Variants in SEL1L2 observed in about 807,000 individuals in gnomAD.
SEL1L2 encodes protein sel-1 homolog 2.
A neutral mutation model predicts 98.8 loss-of-function variants in SEL1L2; 89 were observed. The ratio of observed to expected loss-of-function variants is 0.90; its 90% confidence interval spans 0.76 to 1.07. The LOEUF (loss-of-function observed/expected upper bound fraction) is 1.07, where lower values mean the gene tolerates loss of function less well. Ranked by LOEUF, SEL1L2 falls within the 50% of genes least tolerant of loss-of-function variation. SEL1L2 has a pLI of 0.00. For synonymous variants in SEL1L2, 262 were observed against 278.5 expected, an observed-to-expected ratio of 0.94 and a Z score of 0.59; for missense variants, 788 against 812.0, an observed-to-expected ratio of 0.97 and a Z score of 0.36.
intron 2 of SEL1L2, among the ~76,000 whole-genome samples, chr20:13,933,280 A>G (rs2049239511): frequency 6.6e-6 from 1 of 152,198 alleles, no homozygotes; most frequent in African/African-American, 2.4e-5. Flanking sequence ...TAAATTATAT[A>G]TTAACCCATT....
intron 12 of SEL1L2, among the ~76,000 whole-genome samples, chr20:13,872,171 C>T (rs2046234492): frequency 6.6e-6 from 1 of 152,202 alleles, no homozygotes; most frequent in Non-Finnish European, 1.5e-5. Flanking sequence ...TCTTGAGTTG[C>T]TCTGCTCTGG....
At chr20:13,953,095 T>C (rs866568424) in intron 2 of SEL1L2, among the ~76,000 whole-genome samples, 1 of 152,138 alleles carries the variant, frequency 6.6e-6, no homozygotes, top group South Asian at 2.1e-4. Context: ...CTTAGACTGG[T>C]TGGCTTAGGA....
intron 5 of SEL1L2, among the ~76,000 whole-genome samples, chr20:13,890,912 T>G (rs147615797): frequency 0.016 from 2,442 of 152,202 alleles, 31 homozygotes; most frequent in Non-Finnish European, 0.024. Context: ...TTGATGAAAC[T>G]GAAGAATCAG....
intron 2 of SEL1L2, among the ~76,000 whole-genome samples, chr20:13,944,832 A>G (rs1207690774): frequency 6.6e-6 from 1 of 152,228 alleles, no homozygotes; most frequent in Non-Finnish European, 1.5e-5. Context: ...AAAACCCAGG[A>G]AGGTCATCAG....
chr20:13,857,370 C>T (rs188200900), intron 18 of SEL1L2, among the ~76,000 whole-genome samples: 87 of 152,268 alleles, frequency 5.7e-4, no homozygotes, highest in South Asian at 2.1e-4. Context: ...ATGTATGAAA[C>T]GTGTGTCTCA....
At chr20:13,908,363 A>C (rs1012445958) in intron 5 of SEL1L2, among the ~76,000 whole-genome samples, 4 of 151,922 alleles carry the variant, frequency 2.6e-5, no homozygotes, top group African/African-American at 9.6e-5. Context: ...GGCTCAAGCA[A>C]TCCTCCTGCT....
intron 1 of SEL1L2, among the ~76,000 whole-genome samples, chr20:13,965,407 TAGA>T (rs576256639): frequency 1.1e-4 from 16 of 152,088 alleles, no homozygotes; most frequent in Non-Finnish European, 1.9e-4. Flanking sequence ...TGGTGATACA[TAGA>T]AGAAGAGAGA....
intron 5 of SEL1L2, among the ~76,000 whole-genome samples, chr20:13,894,992 CAA>C (rs1205365215): frequency 6.6e-6 from 1 of 152,162 alleles, no homozygotes; most frequent in Admixed American, 6.5e-5. Context: ...CAAAACTAGA[CAA>C]AGACACTACA....
chr20:13,885,302 A>C (rs2147977346), intron 10 of SEL1L2, 45 bp downstream of exon 10: 1 of 1,301,910 alleles, frequency 7.7e-7, no homozygotes, highest in Non-Finnish European at 1.1e-6. Context: ...CTCCCTCACC[A>C]CTACCTTCCC....
chr20:13,862,605 C>T (rs913973498), intron 17 of SEL1L2, among the ~76,000 whole-genome samples: 1 of 152,102 alleles, frequency 6.6e-6, no homozygotes, highest in Non-Finnish European at 1.5e-5. Flanking sequence ...AATGTAGACA[C>T]TTCAAAAAGA....
At chr20:13,887,707 G>A (rs539678545) in intron 8 of SEL1L2, 62 bp downstream of exon 8, 1 of 1,052,068 alleles carries the variant, frequency 9.5e-7, no homozygotes, top group African/African-American at 1.6e-5. Flanking sequence ...AACTGTTATT[G>A]ATTTATTTTT....
chr20:13,927,709 C>T (rs1019506714), intron 3 of SEL1L2, among the ~76,000 whole-genome samples: 2 of 152,166 alleles, frequency 1.3e-5, no homozygotes, highest in Non-Finnish European at 2.9e-5. Context: ...TCAAGCATAT[C>T]CTGTGCACAA....
chr20:13,915,352 T>C (rs944747157), intron 4 of SEL1L2: 1 of 831,592 alleles, frequency 1.2e-6, no homozygotes, highest in Non-Finnish European at 1.7e-6. Flanking sequence ...GCTGAAATTC[T>C]GGAGGCGGGA....
chr20:13,967,123 C>T (rs1156595174), intron 1 of SEL1L2, among the ~76,000 whole-genome samples: 1 of 152,006 alleles, frequency 6.6e-6, no homozygotes, highest in Non-Finnish European at 1.5e-5. Flanking sequence ...CCTCGTGATC[C>T]ACCCGCCTCG....
chr20:13,865,129 G>C, intron 17 of SEL1L2, 38 bp downstream of exon 17: 1 of 1,519,966 alleles, frequency 6.6e-7, no homozygotes, highest in South Asian at 1.1e-5. Context: ...CAGAGGACAG[G>C]GACCGGGTAT....
At chr20:13,943,030 A>AC (rs139229058) in intron 2 of SEL1L2, among the ~76,000 whole-genome samples, 9,715 of 152,186 alleles carry the variant, frequency 0.064, 353 homozygotes, top group Non-Finnish European at 0.073. Context: ...TGTAATAACC[A>AC]CCCCTAAGTG....
At chr20:13,887,539 G>A (rs900285830) in intron 8 of SEL1L2, among the ~76,000 whole-genome samples, 1 of 151,808 alleles carries the variant, frequency 6.6e-6, no homozygotes, top group African/African-American at 2.4e-5. Flanking sequence ...GAATTGTTTG[G>A]GGATACATAT....
intron 8 of SEL1L2, 26 bp from the exon 9 acceptor site, chr20:13,886,468 T>C: frequency 6.2e-7 from 1 of 1,606,480 alleles, no homozygotes; most frequent in Non-Finnish European, 8.5e-7. Flanking sequence ...AGCCAGAGAA[T>C]AGCTAGAAAA....
intron 14 of SEL1L2, among the ~76,000 whole-genome samples, chr20:13,868,889 C>T (rs1180933839): frequency 1.3e-5 from 2 of 152,276 alleles, no homozygotes; most frequent in East Asian, 3.9e-4. Context: ...TGAGCCACCA[C>T]GCCCGGCCTC....
Sources: gnomAD v4.1 joint callset for allele counts (sites outside exome capture counted in the v4.1 genomes callset) on GRCh38, gnomAD v4.1.1 for gene constraint, MANE v1.5 for transcripts, NCBI Gene and HGNC (gene_info 2026-07-23, HGNC 2026-07-21) for gene names.